DSCAM: variants seen among roughly 807,000 people sequenced by gnomAD.
DSCAM encodes cell adhesion molecule DSCAM.
Under a neutral mutation model 217.7 loss-of-function variants are expected in DSCAM, and 47 were observed. The ratio of observed to expected loss-of-function variants is 0.22; its 90% CI spans 0.17 to 0.28. DSCAM has a LOEUF of 0.28. DSCAM is among the 10% of genes least tolerant of loss of function. The pLI, the probability that DSCAM is intolerant of heterozygous loss-of-function variation, is 1.00. For synonymous variants in DSCAM, 1,056 were observed against 1,015.3 expected, an observed-to-expected ratio of 1.04 and a Z score of -0.76; for missense variants, 2,080 against 2,618.3, an observed-to-expected ratio of 0.79 and a Z score of 4.49.
chr21:40,488,702 G>A (rs2076050325), intron 3 of DSCAM, among the ~76,000 whole-genome samples: 1 of 152,160 alleles, frequency 6.6e-6, no homozygotes, highest in Admixed American at 6.5e-5. Flanking sequence ...AGCTCGAACA[G>A]TGAAAAGAAA....
intron 16 of DSCAM, among the ~76,000 whole-genome samples, chr21:40,147,243 C>T (rs1489602237): frequency 1.3e-5 from 2 of 152,136 alleles, no homozygotes; most frequent in Admixed American, 1.3e-4. Flanking sequence ...TTCATAGAGC[C>T]ACCAATTTAG....
At chr21:40,825,058 C>T (rs925334651) in intron 1 of DSCAM, among the ~76,000 whole-genome samples, 6 of 152,084 alleles carry the variant, frequency 3.9e-5, no homozygotes, top group African/African-American at 1.4e-4. Flanking sequence ...TTGCCATGAC[C>T]CAGAAAAGAG....
chr21:40,682,257 G>A (rs55800183), intron 3 of DSCAM, among the ~76,000 whole-genome samples: 70,990 of 151,864 alleles, frequency 0.47, 16,915 homozygotes, highest in Admixed American at 0.58. Context: ...TCACACAGGT[G>A]CAAGTCATGG....
At chr21:40,757,589 T>G (rs1312748261) in intron 1 of DSCAM, among the ~76,000 whole-genome samples, 1 of 152,074 alleles carries the variant, frequency 6.6e-6, no homozygotes, top group Admixed American at 6.6e-5. Flanking sequence ...GGGACATGGG[T>G]CCACCACCCG....
intron 11 of DSCAM, among the ~76,000 whole-genome samples, chr21:40,254,125 T>C (rs1438564074): frequency 6.6e-6 from 1 of 152,194 alleles, no homozygotes; most frequent in Non-Finnish European, 1.5e-5. Flanking sequence ...CAGACAATAT[T>C]GAAGGCTGTT....
chr21:40,441,527 C>G (rs1385305652), intron 3 of DSCAM, among the ~76,000 whole-genome samples: 1 of 152,136 alleles, frequency 6.6e-6, no homozygotes, highest in African/African-American at 2.4e-5. Context: ...AAGGCAGATC[C>G]CTCACCATAA....
Position 40,167,294 on chromosome 21 carries a change from A to G in DSCAM, c.2948-6T>C. On this transcript the variant is annotated splice_polypyrimidine_tract_variant and splice_region_variant and intron_variant, in intron 15 of 32. Coordinates refer to ENST00000400454, the MANE Select transcript of DSCAM (RefSeq NM_001389.5). ...CTGAGGTGGACCATCAGGAGCTGTA[A>G]GGACCAAAAACCCACAGGCAGGTTA... 14 of 1,614,054 alleles carry G rather than the reference A, an allele frequency of 8.7e-6. No homozygotes were observed. The highest frequency in any genetic ancestry group is 1.2e-5 in the Non-Finnish European group (14 of 1,179,972).
At chr21:40,182,752 G>C (rs1175856434) in intron 14 of DSCAM, among the ~76,000 whole-genome samples, 1 of 30,938 alleles carries the variant, frequency 3.2e-5, no homozygotes, top group Admixed American at 3.3e-4. Context: ...AGAAACCGTG[G>C]ACGGGGGGGG....
intron 2 of DSCAM, among the ~76,000 whole-genome samples, chr21:40,706,669 C>A (rs1402097857): frequency 6.6e-6 from 1 of 152,180 alleles, no homozygotes; most frequent in East Asian, 1.9e-4. Flanking sequence ...CAAAGGGTAG[C>A]ATTTATGCCC....
intron 3 of DSCAM, among the ~76,000 whole-genome samples, chr21:40,582,724 A>T (rs1418493742): frequency 3.3e-5 from 5 of 151,742 alleles, no homozygotes; most frequent in African/African-American, 1.2e-4. Context: ...CGTTTTACTA[A>T]TAAGTACTTA....
intron 16 of DSCAM, among the ~76,000 whole-genome samples, chr21:40,151,037 T>G (rs2090418278): frequency 6.6e-6 from 1 of 152,084 alleles, no homozygotes. Context: ...GGAAACCACT[T>G]TGACCATGCC....
chr21:40,593,466 C>T (rs1375357066), intron 3 of DSCAM, among the ~76,000 whole-genome samples: 1 of 152,086 alleles, frequency 6.6e-6, no homozygotes, highest in Non-Finnish European at 1.5e-5. Context: ...GCTGGGTCTA[C>T]AGGCATGCTC....
At chr21:40,524,517 GCTTT>G (rs1156596804) in intron 3 of DSCAM, among the ~76,000 whole-genome samples, 1 of 151,574 alleles carries the variant, frequency 6.6e-6, no homozygotes, top group Non-Finnish European at 1.5e-5. Flanking sequence ...ATTTTTCAGC[GCTTT>G]CTGTGTTATC....
At chr21:40,426,849 C>A (rs775478293) in intron 3 of DSCAM, among the ~76,000 whole-genome samples, 1 of 152,020 alleles carries the variant, frequency 6.6e-6, no homozygotes, top group Non-Finnish European at 1.5e-5. Context: ...TCTCCTCAGT[C>A]AAGCCCAAAC....
chr21:40,840,186 A>G (rs2092088570), intron 1 of DSCAM, among the ~76,000 whole-genome samples: 1 of 152,238 alleles, frequency 6.6e-6, no homozygotes, highest in Non-Finnish European at 1.5e-5. Context: ...TTTGATGAAG[A>G]TAGCAACTGT....
chr21:40,049,478 G>A (rs781381717), intron 30 of DSCAM, among the ~76,000 whole-genome samples: 2 of 152,042 alleles, frequency 1.3e-5, no homozygotes, highest in East Asian at 1.9e-4. Flanking sequence ...CCACACGCCC[G>A]CTGACTCACC....
Position 40,016,197 on chromosome 21 carries a change from A to C in DSCAM, c.5687-2811T>G, listed in dbSNP as rs1022286474. Reference sequence around the variant, plus strand: ...CTCAGGAGCAGCTGTGGGATGTGAGAGAGGGAATTAAATTGTGAGATATGA... The same window carrying C: ...CTCAGGAGCAGCTGTGGGATGTGAGCGAGGGAATTAAATTGTGAGATATGA... On this transcript the variant is annotated intron_variant, in intron 32 of 32. Transcript: ENST00000400454. The surrounding 1 kb of genome is among the most constrained non-coding windows in gnomAD (Gnocchi z 4.3). 1.3e-5 allele frequency among the ~76,000 whole-genome samples: 2 copies of C among 152,164 alleles called. No individual in the cohort carries two copies. Among genetic ancestry groups the C allele is most frequent in the Non-Finnish European group, 2.9e-5 (2 of 68,034 alleles).
chr21:40,790,591 A>G (rs2091633345), intron 1 of DSCAM, among the ~76,000 whole-genome samples: 1 of 152,210 alleles, frequency 6.6e-6, no homozygotes, highest in African/African-American at 2.4e-5. Context: ...ATGAAGTTGT[A>G]TAAATGATTG....
In DSCAM at chr21:40,079,026, C is replaced by T. The variant is rs1208278132; in HGVS notation, c.4421-49G>A. 5 of 1,579,716 alleles carry T rather than the reference C, an allele frequency of 3.2e-6. No homozygotes were observed. The Admixed American group carries it at 8.7e-5, about 27-fold the overall frequency. On this transcript the variant is annotated intron_variant, in intron 25 of 32. Coordinates refer to ENST00000400454, the MANE Select transcript of DSCAM (RefSeq NM_001389.5). ...TCAGCTCACAGGACACATGGGGAGG[C>T]CATCAGCATCTTCACGCATTTCCCT...
Sources: gnomAD v4.1 joint callset for allele counts (sites outside exome capture counted in the v4.1 genomes callset) on GRCh38, gnomAD v4.1.1 for gene constraint, Gnocchi (gnomAD v3.1) non-coding constraint, MANE v1.5 for transcripts, NCBI Gene and HGNC (gene_info 2026-07-23, HGNC 2026-07-21) for gene names.